The following ZBTB44 variants were observed in gnomAD, a reference collection of about 807,000 sequenced individuals.
The protein encoded by ZBTB44 is zinc finger and BTB domain containing 44, also known as zinc finger and BTB domain-containing protein 44.
A neutral mutation model predicts 54.0 loss-of-function variants in ZBTB44; 15 were observed. The observed-to-expected ratio is 0.28, with a 90% CI of 0.19 to 0.43. The LOEUF is 0.43. Ranked by LOEUF, ZBTB44 falls within the 20% of genes least tolerant of loss-of-function variation. ZBTB44 has a pLI of 1.00. For missense variants in ZBTB44, 487 were observed against 707.1 expected (o/e 0.69, Z 3.53); for synonymous variants, 230 against 250.1 (o/e 0.92, Z 0.76).
chr11:130,281,696 G>T (rs1940532961), intron 1 of ZBTB44, among the ~76,000 whole-genome samples: 1 of 151,896 alleles, frequency 6.6e-6, no homozygotes, highest in Non-Finnish European at 1.5e-5. Flanking sequence ...CCGGGTTCAC[G>T]TCATTCTCCT....
At chr11:130,271,714 T>C (rs1939685025) in intron 1 of ZBTB44, among the ~76,000 whole-genome samples, 1 of 152,212 alleles carries the variant, frequency 6.6e-6, no homozygotes, top group Admixed American at 6.5e-5. Context: ...CGCATTTTTA[T>C]TATCTACAGG....
In ZBTB44 at chr11:130,254,864, C is replaced by G. The variant is rs557216777; in HGVS notation, c.1018+5992G>C. 7.9e-5 allele frequency among the ~76,000 whole-genome samples: 12 copies of G among 152,132 alleles called. No individual in the cohort carries two copies. In the East Asian group the frequency reaches 2.1e-3, roughly 27 times the overall value. On this transcript the variant is annotated intron_variant, in intron 2 of 7. Transcript: ENST00000357899. ...GATAGACAGGATTAAGAAAATGTGG[C>G]ACATATACACCATGGAATACCATGC...
At chr11:130,254,195 A>G (rs1221846625) in intron 2 of ZBTB44, among the ~76,000 whole-genome samples, 1 of 152,238 alleles carries the variant, frequency 6.6e-6, no homozygotes, top group African/African-American at 2.4e-5. Context: ...AAGCAATGGC[A>G]ACAAAAGCCA....
chr11:130,238,124 CT>C (rs1241734940), intron 4 of ZBTB44, among the ~76,000 whole-genome samples: 60 of 152,294 alleles, frequency 3.9e-4, no homozygotes, highest in African/African-American at 1.4e-3. Flanking sequence ...CATACAGACC[CT>C]TTTAACCCTA....
intron 1 of ZBTB44, among the ~76,000 whole-genome samples, chr11:130,268,221 T>TAAA (rs1157408386): frequency 2.8e-5 from 4 of 140,946 alleles, no homozygotes; most frequent in African/African-American, 1.1e-4. Flanking sequence ...CACGTCTAAT[T>TAAA]TAAAAAAAAA....
At chr11:130,240,002 G>A in intron 2 of ZBTB44, 106 bp from the exon 3 acceptor site, 1 of 632,424 alleles carries the variant, frequency 1.6e-6, no homozygotes, top group East Asian at 3.4e-5. Flanking sequence ...ATTATCTAGT[G>A]TTCATATCCT....
rs118106393 is a variant in ZBTB44, at chr11:130,248,671, C to T, written c.1019-8775G>A. On this transcript the variant is annotated intron_variant, in intron 2 of 7. Coordinates refer to ENST00000357899, the MANE Select transcript of ZBTB44 (RefSeq NM_001301098.2). Reference sequence around the variant, plus strand: ...ACCACAAAAACAAAACAAAAAAACACAAGAAACAAACCACATTGGGATTAT... The same window carrying T: ...ACCACAAAAACAAAACAAAAAAACATAAGAAACAAACCACATTGGGATTAT... Among the ~76,000 whole-genome samples, 3 of 152,218 alleles carry T rather than the reference C, an allele frequency of 2.0e-5. No homozygotes were observed. In the East Asian group the frequency reaches 5.8e-4, roughly 29 times the overall value.
intron 1 of ZBTB44, among the ~76,000 whole-genome samples, chr11:130,284,135 A>G (rs1173180126): frequency 6.6e-6 from 1 of 152,196 alleles, no homozygotes; most frequent in Non-Finnish European, 1.5e-5. Flanking sequence ...CTAAAAATAC[A>G]AAAAAGGCAA....
At position 130,276,242 on chromosome 11, in the gene ZBTB44, A is replaced by AAAAAAAAG. The variant is rs59112840; in HGVS notation, c.-56-14314_-56-14313insCTTTTTTT. On this transcript the variant is annotated intron_variant, in intron 1 of 7. Coordinates refer to ENST00000357899, the MANE Select transcript of ZBTB44 (RefSeq NM_001301098.2). ...CGTGAAACTCTGTCTCAAAAAAAAAAAAAAGAAAAAAGAAATCAGAGGTTT... is the reference window on the plus strand; with the variant it reads ...CGTGAAACTCTGTCTCAAAAAAAAAAAAAAAAAGAAAAGAAAAAAGAAATCAGAGGTTT... 2.0e-3 allele frequency among the ~76,000 whole-genome samples: 188 copies of AAAAAAAAG among 94,452 alleles called. 8 individuals are homozygous for AAAAAAAAG. Among genetic ancestry groups the AAAAAAAAG allele is most frequent in the Admixed American group, 3.6e-3 (24 of 6,760 alleles). 62.0% of individuals were successfully genotyped at this position (94,452 alleles called of 152,430 possible).
chr11:130,268,281 G>T (rs1279279856), intron 1 of ZBTB44, among the ~76,000 whole-genome samples: 2 of 151,022 alleles, frequency 1.3e-5, no homozygotes, highest in African/African-American at 4.9e-5. Flanking sequence ...CAACCCATGT[G>T]GCAAACTTCA....
chr11:130,275,423 C>G (rs1939984537), intron 1 of ZBTB44, among the ~76,000 whole-genome samples: 2 of 152,210 alleles, frequency 1.3e-5, no homozygotes, highest in African/African-American at 4.8e-5. Flanking sequence ...AAGCGATTCT[C>G]CTGCCTTGGC....
At position 130,273,307 on chromosome 11, in the gene ZBTB44, A is replaced by ATTTT. The variant is rs34506406; in HGVS notation, c.-56-11382_-56-11379dup. Among the ~76,000 whole-genome samples the ATTTT allele has an allele frequency of 1.1e-3, 134 of 126,286 alleles. 1 individual carries two copies. The highest frequency in any genetic ancestry group is 3.4e-3 in the African/African-American group (115 of 33,748). 82.8% of individuals were successfully genotyped at this position (126,286 alleles called of 152,430 possible). ...CACCATGAATAAAATTATTTTCTTA[A>ATTTT]TTTTTTTTTTTTTTTTTTTGAGACA... is the stretch of plus-strand genomic sequence containing the variant. On this transcript the variant is annotated intron_variant, in intron 1 of 7. Coordinates refer to ENST00000357899, the MANE Select transcript of ZBTB44 (RefSeq NM_001301098.2).
intron 1 of ZBTB44, among the ~76,000 whole-genome samples, chr11:130,292,526 A>T (rs1056238608): frequency 6.6e-6 from 1 of 152,184 alleles, no homozygotes; most frequent in Non-Finnish European, 1.5e-5. Flanking sequence ...ATTAAAAATT[A>T]AAAAAATAAA....
At chr11:130,311,899 G>T (rs1271699753) in intron 1 of ZBTB44, among the ~76,000 whole-genome samples, 2 of 152,110 alleles carry the variant, frequency 1.3e-5, no homozygotes, top group Non-Finnish European at 2.9e-5. Flanking sequence ...GCTTGAAATG[G>T]TTCCTACTGA....
At chr11:130,308,146 G>A (rs757159708) in intron 1 of ZBTB44, among the ~76,000 whole-genome samples, 17 of 152,274 alleles carry the variant, frequency 1.1e-4, no homozygotes, top group South Asian at 2.1e-4. Flanking sequence ...GTACAGATAC[G>A]TGGCCTAGGA....
intron 1 of ZBTB44, among the ~76,000 whole-genome samples, chr11:130,290,702 T>C (rs1941248953): frequency 6.6e-6 from 1 of 152,186 alleles, no homozygotes; most frequent in Non-Finnish European, 1.5e-5. Flanking sequence ...CTTGGTACTT[T>C]TCAGTACTAT....
At chr11:130,266,967 A>C (rs1565663837) in intron 1 of ZBTB44, among the ~76,000 whole-genome samples, 1 of 152,138 alleles carries the variant, frequency 6.6e-6, no homozygotes, top group Non-Finnish European at 1.5e-5. Flanking sequence ...AAAAATTTTT[A>C]ATTAAAAATT....
intron 1 of ZBTB44, among the ~76,000 whole-genome samples, chr11:130,262,280 C>T (rs1194209351): frequency 2.0e-5 from 3 of 152,148 alleles, no homozygotes; most frequent in African/African-American, 7.2e-5. Context: ...GCTGGGATTA[C>T]AGGCACCCGC....
intron 1 of ZBTB44, among the ~76,000 whole-genome samples, chr11:130,288,534 A>G (rs1941113226): frequency 6.6e-6 from 1 of 152,086 alleles, no homozygotes; most frequent in African/African-American, 2.4e-5. Flanking sequence ...CGTACTCTCT[A>G]AAAGGTTCTC....
Sources: gnomAD v4.1 joint callset for allele counts (sites outside exome capture counted in the v4.1 genomes callset) on GRCh38, gnomAD v4.1.1 for gene constraint, MANE v1.5 for transcripts, NCBI Gene and HGNC (gene_info 2026-07-23, HGNC 2026-07-21) for gene names.